PAPLN: variants seen among roughly 807,000 people sequenced by gnomAD.
PAPLN encodes the protein papilin, proteoglycan like sulfated glycoprotein.
Under a neutral mutation model 159.0 loss-of-function variants are expected in PAPLN, and 146 were observed. The ratio of observed to expected loss-of-function variants is 0.92; its 90% CI spans 0.80 to 1.05. The LOEUF (loss-of-function observed/expected upper bound fraction) is 1.05. PAPLN is among the 50% of genes least tolerant of loss of function. PAPLN has a pLI of 0.00. For missense variants in PAPLN, 1,720 were observed against 1,743.9 expected (o/e 0.99, Z 0.24); for synonymous variants, 734 against 702.9 (o/e 1.04, Z -0.70).
rs1251191407 is a variant in PAPLN, at chr14:73,264,418, C to T, written c.2986+83C>T. The T allele has an allele frequency of 2.6e-6, 4 of 1,559,416 alleles. No homozygotes were observed. In the African/African-American group the frequency reaches 5.4e-5, roughly 21 times the overall value. On this transcript the variant is annotated intron_variant, in intron 21 of 26. Transcript: ENST00000644200. ...GGATGGGGAGCCTGACCGAGGGCTG[C>T]CTCACGCTAGAGGGGCCCAGGGTGT... is the stretch of plus-strand genomic sequence containing the variant.
At chr14:73,252,806 TGAG>T in intron 11 of PAPLN, 31 bp downstream of exon 11, 4 of 1,611,582 alleles carry the variant, frequency 2.5e-6, no homozygotes, top group Non-Finnish European at 3.4e-6. Flanking sequence ...CTACCCATGA[TGAG>T]GCCCAAGAAC....
At chr14:73,241,229 C>T (rs912847440) in intron 2 of PAPLN, among the ~76,000 whole-genome samples, 1 of 152,182 alleles carries the variant, frequency 6.6e-6, no homozygotes, top group African/African-American at 2.4e-5. Flanking sequence ...CTCTCGACCA[C>T]CTGCCAGCTA....
Position 73,250,931 on chromosome 14 carries a change from G to A in PAPLN, c.490G>A (p.Asp164Asn). The change falls in exon 7 of 27, where the codon GAC becomes AAC. Residue 164 changes from aspartate to asparagine, a missense_variant. Asp to Asn is a conservative substitution (Grantham distance 23). Coordinates refer to ENST00000644200, the MANE Select transcript of PAPLN (RefSeq NM_001365906.3). ...CRVVGCDHEL[D>N]SSKQEDKCLR... ...GGTTGTCGGCTGTGATCACGAGCTG[G>A]ACTCGTCCAAGCAGGAGGACAAGTG... 1 of 1,613,502 alleles carries A rather than the reference G, an allele frequency of 6.2e-7. No homozygotes were observed. The highest frequency in any genetic ancestry group is 2.2e-5 in the East Asian group (1 of 44,856).
At chr14:73,269,292 C>T (rs1340416124) in intron 26 of PAPLN, among the ~76,000 whole-genome samples, 1 of 89,404 alleles carries the variant, frequency 1.1e-5, no homozygotes, top group East Asian at 4.7e-4. Flanking sequence ...TTTGACTCCC[C>T]ATGTTTTTTT....
At chr14:73,271,593 C>G (rs1594841273) in intron 26 of PAPLN, among the ~76,000 whole-genome samples, 2 of 152,078 alleles carry the variant, frequency 1.3e-5, no homozygotes, top group South Asian at 4.2e-4. Flanking sequence ...CCTCTGCCTC[C>G]TGGGTTCAAG....
intron 16 of PAPLN, among the ~76,000 whole-genome samples, chr14:73,260,287 G>A (rs189648567): frequency 2.6e-5 from 4 of 152,112 alleles, no homozygotes; most frequent in African/African-American, 7.2e-5. Context: ...ACCTTGCCTC[G>A]TGGCACCTGG....
chr14:73,271,515 T>TC (rs1446809204), intron 26 of PAPLN, among the ~76,000 whole-genome samples: 1 of 151,950 alleles, frequency 6.6e-6, no homozygotes, highest in Non-Finnish European at 1.5e-5. Flanking sequence ...TTTTTTTTTT[T>TC]TTTTAAGACA....
At position 73,244,631 on chromosome 14, in the gene PAPLN, C is replaced by T. The variant is rs1296462584; in HGVS notation, c.55-13C>T. On this transcript the variant is annotated splice_polypyrimidine_tract_variant and intron_variant, in intron 2 of 26. Transcript: ENST00000644200. ...GAGTGGGCAATGCTGATGCATGGTC[C>T]TGTCTTCTGCAGGCTCCCAAGGTGA... 2 of 1,559,704 alleles carry T rather than the reference C, an allele frequency of 1.3e-6. No individual in the cohort carries two copies. The highest frequency in any genetic ancestry group is 2.4e-5 in the East Asian group (1 of 41,532).
intron 14 of PAPLN, among the ~76,000 whole-genome samples, chr14:73,255,842 G>T (rs1047246238): frequency 6.6e-6 from 1 of 152,192 alleles, no homozygotes; most frequent in Non-Finnish European, 1.5e-5. Context: ...AGCAGGCTTG[G>T]GTTCCGATCC....
rs559640421 is a variant in PAPLN, at chr14:73,270,247, G to T, written c.3667+1524G>T. Among the ~76,000 whole-genome samples the T allele has an allele frequency of 1.3e-4, 20 of 152,346 alleles. No homozygotes were observed. The East Asian group carries it at 3.9e-3, about 29-fold the overall frequency. ...TGACCCGGATCCCGCACTCGTGGCG[G>T]CCCCGCGCTCAGCGCACGGCACAGG... is the stretch of plus-strand genomic sequence containing the variant. On this transcript the variant is annotated intron_variant, in intron 26 of 26. Transcript: ENST00000644200.
In PAPLN at chr14:73,246,119, A is replaced by T; in HGVS notation, c.278A>T (p.Glu93Val). The change falls in exon 5 of 27, where the codon GAG becomes GTG. Residue 93 changes from glutamate (E) to valine (V), a missense_variant. Glu to Val is a moderately radical substitution (Grantham distance 121). Coordinates refer to ENST00000644200, the MANE Select transcript of PAPLN (RefSeq NM_001365906.3). ...ARDFRAEQCA[E>V]FDGAEFQGRR... ...GACTTCCGGGCCGAGCAGTGCGCGGAGTTCGACGGAGCGGAGTTCCAGGGG... is the reference window on the plus strand; with the variant it reads ...GACTTCCGGGCCGAGCAGTGCGCGGTGTTCGACGGAGCGGAGTTCCAGGGG... 1 of 1,590,334 alleles carries T rather than the reference A, an allele frequency of 6.3e-7. No individual in the cohort carries two copies. The highest frequency in any genetic ancestry group is 2.4e-5 in the East Asian group (1 of 42,234).
rs367760649 is a variant in PAPLN at position 73,250,962 on chromosome 14, G to A, written c.521G>A (p.Arg174Gln). ...TCCAAGCAGGAGGACAAGTGTCTGC[G>A]GTGTGGGGGTGACGGCACGACCTGC... The part of the protein sequence containing the change: ...DSSKQEDKCL[R>Q]CGGDGTTCYP... The change falls in exon 7 of 27, where the codon CGG (arginine) becomes CAG (glutamine). Residue 174 changes from arginine (R) to glutamine (Q), a missense_variant. Transcript: ENST00000644200. 1.1e-5 allele frequency: 18 copies of A among 1,613,626 alleles called. No homozygotes were observed. In the African/African-American group the frequency reaches 1.5e-4, roughly 13 times the overall value.
intron 5 of PAPLN, among the ~76,000 whole-genome samples, chr14:73,247,210 T>TTTATCA: frequency 6.6e-6 from 1 of 152,200 alleles, no homozygotes; most frequent in African/African-American, 2.4e-5. Context: ...ATCAAGGATC[T>TTTATCA]GGGGGCCAGA....
chr14:73,243,752 A>G (rs1253137330), intron 2 of PAPLN: 2 of 152,256 alleles, frequency 1.3e-5, no homozygotes, highest in Non-Finnish European at 2.9e-5. Flanking sequence ...AATCCTGTGT[A>G]GAGTCCCAAA....
At chr14:73,258,845 T>C (rs918474453) in intron 14 of PAPLN, 134 bp from the exon 15 acceptor site, 31 of 725,770 alleles carry the variant, frequency 4.3e-5, no homozygotes, top group Non-Finnish European at 6.2e-5. Context: ...TCCTTTTCCC[T>C]TGGGCTGTCT....
Position 73,254,595 on chromosome 14 carries a change from C to T in PAPLN, c.1385C>T (p.Ala462Val), listed in dbSNP as rs576665432. ...GERGSLLHTA[A>V]CSLEDRPPLT... ...AGGGGTTCTTTGCTCCATACCGCAGCGTGCTCCTTGGAAGACCGGCCACCT... is the reference window on the plus strand; with the variant it reads ...AGGGGTTCTTTGCTCCATACCGCAGTGTGCTCCTTGGAAGACCGGCCACCT... The change falls in exon 13 of 27, where the codon GCG becomes GTG. Residue 462 changes from alanine to valine, a missense_variant. Coordinates refer to ENST00000644200, the MANE Select transcript of PAPLN (RefSeq NM_001365906.3). 1.4e-5 allele frequency: 22 copies of T among 1,614,048 alleles called. No homozygotes were observed. Among genetic ancestry groups the T allele is most frequent in the Admixed American group, 1.0e-4 (6 of 60,018 alleles).
At chr14:73,254,022 G>C (rs976460191) in intron 12 of PAPLN, 61 bp downstream of exon 12, 3 of 1,534,938 alleles carry the variant, frequency 2.0e-6, no homozygotes, top group African/African-American at 2.7e-5. Flanking sequence ...GGAAGGGCTG[G>C]GGTCTTGTTC....
At chr14:73,247,028 C>G (rs1884472026) in intron 5 of PAPLN, 1 of 152,228 alleles carries the variant, frequency 6.6e-6, no homozygotes, top group African/African-American at 2.4e-5. Flanking sequence ...TCAAACGAAG[C>G]TATGGTGTGT....
chr14:73,268,013 G>A (rs1012041352), intron 25 of PAPLN, among the ~76,000 whole-genome samples: 1 of 151,976 alleles, frequency 6.6e-6, no homozygotes, highest in African/African-American at 2.4e-5. Flanking sequence ...CCTGGCCAAG[G>A]TCACTGCCTC....
Sources: allele counts gnomAD v4.1 joint callset (sites outside exome capture counted in the v4.1 genomes callset), GRCh38; gene constraint gnomAD v4.1.1; transcripts MANE v1.5; gene names NCBI Gene and HGNC (gene_info 2026-07-23, HGNC 2026-07-21).